The following PKHD1L1 variants were observed in gnomAD, a reference collection of about 807,000 sequenced individuals.
PKHD1L1 encodes fibrocystin-L.
Under a neutral mutation model 462.9 loss-of-function variants are expected in PKHD1L1, and 434 were observed. That is an observed-to-expected ratio of 0.94 (90% CI 0.87 to 1.02). The LOEUF (loss-of-function observed/expected upper bound fraction) is 1.02, where lower values mean the gene tolerates loss of function less well. Ranked by LOEUF, PKHD1L1 falls within the 50% of genes least tolerant of loss-of-function variation. PKHD1L1 has a pLI of 0.00. For synonymous variants in PKHD1L1, 1,781 were observed against 1,750.0 expected, an observed-to-expected ratio of 1.02 and a Z score of -0.44; for missense variants, 5,202 against 5,096.1, an observed-to-expected ratio of 1.02 and a Z score of -0.63.
In PKHD1L1 at chr8:109,518,415, G is replaced by A; in HGVS notation, c.11938G>A (p.Gly3980Arg). ...CAAAATCCGTATCAGCAAAATAAGA[G>A]GGAAGAGTCTGAGGAGGAAGAGATC... The part of the protein sequence containing the change: ...SDKIRISKIR[G>R]KSLRRKRSMG... Residue 3980 changes from glycine to arginine, a missense_variant, in exon 73 of 78, where the codon GGG becomes AGG. Transcript: ENST00000378402. 1.2e-6 allele frequency: 2 copies of A among 1,612,818 alleles called. No individual in the cohort carries two copies. Among genetic ancestry groups the A allele is most frequent in the Non-Finnish European group, 8.5e-7 (1 of 1,179,560 alleles).
Position 109,389,142 on chromosome 8 carries a change from A to G in PKHD1L1, c.687A>G (p.Gly229=). Residue 229 remains glycine (G), a synonymous_variant, in exon 8 of 78, where the codon GGA becomes GGG. Coordinates refer to ENST00000378402, the MANE Select transcript of PKHD1L1 (RefSeq NM_177531.6). ...GTTCTATGGTTTGTAAGACGACTGG[A>G]ACTTTTATTGGCAAGTGTTGGTCAT... The part of the protein sequence containing the change: ...DMGSMVCKTT[G]TFIGHHNVSF... 1.2e-6 allele frequency: 2 copies of G among 1,608,544 alleles called. No individual in the cohort carries two copies. Among genetic ancestry groups the G allele is most frequent in the Non-Finnish European group, 1.7e-6 (2 of 1,175,904 alleles).
At chr8:109,376,230 C>T (rs1401469769) in intron 2 of PKHD1L1, among the ~76,000 whole-genome samples, 1 of 152,222 alleles carries the variant, frequency 6.6e-6, no homozygotes, top group Non-Finnish European at 1.5e-5. Context: ...CTCGCTGCCG[C>T]CTTGCAGTTT....
rs576675485 is a variant in PKHD1L1, at chr8:109,411,161, ACT to A, written c.2086-1101_2086-1100del. On this transcript the variant is annotated intron_variant, in intron 19 of 77. Transcript: ENST00000378402. ...TTATATAATTGCTTCTCGACATAAC[ACT>A]CTGGTTAATTAGTACACGGCCCAGT... 2.1e-3 allele frequency among the ~76,000 whole-genome samples: 313 copies of A among 151,910 alleles called. 2 individuals carry two copies. The highest frequency in any genetic ancestry group is 5.2e-3 in the African/African-American group (216 of 41,432).
intron 27 of PKHD1L1, among the ~76,000 whole-genome samples, chr8:109,431,147 T>C (rs960673779): frequency 3.3e-5 from 5 of 152,218 alleles, no homozygotes; most frequent in African/African-American, 1.2e-4. Flanking sequence ...TTTGTATTTT[T>C]AGTAGAGACA....
intron 53 of PKHD1L1, among the ~76,000 whole-genome samples, chr8:109,478,384 C>T (rs967136957): frequency 6.6e-6 from 1 of 151,826 alleles, no homozygotes; most frequent in South Asian, 2.1e-4. Flanking sequence ...AACAAGCAAA[C>T]AAACAAAAAA....
intron 67 of PKHD1L1, among the ~76,000 whole-genome samples, chr8:109,500,093 T>G (rs1465451607): frequency 6.6e-6 from 1 of 152,220 alleles, no homozygotes; most frequent in Non-Finnish European, 1.5e-5. Context: ...TGTACCAGCC[T>G]GTATCCACTT....
chr8:109,507,666 G>A lies in PKHD1L1; in HGVS notation c.10998G>A (p.Lys3666=). 1 of 1,611,822 alleles carries A rather than the reference G, an allele frequency of 6.2e-7. No homozygotes were observed. The highest frequency in any genetic ancestry group is 8.5e-7 in the Non-Finnish European group (1 of 1,178,246). The change falls in exon 69 of 78, where the codon AAG becomes AAA. Residue 3666 remains lysine, a synonymous_variant. Coordinates refer to ENST00000378402, the MANE Select transcript of PKHD1L1 (RefSeq NM_177531.6). ...KIFIHRPDIS[K]VNPSDCVDMV... ...ATAATTCAACTTTTCTCCACAGTAA[G>A]GTCAATCCATCTGATTGTGTAGACA... is the stretch of plus-strand genomic sequence containing the variant.
chr8:109,464,354 A>G lies in PKHD1L1; in HGVS notation c.7522A>G (p.Thr2508Ala), dbSNP rs780717141. ...TAACAGAGCTGTTACTATTCATAAC[A>G]CACACCATCTTCTGGTTGAGAGGAA... ...AYNRAVTIHNTHHLLVERNII... is the reference protein window; with the variant it reads ...AYNRAVTIHNAHHLLVERNII... Residue 2508 changes from threonine (T) to alanine (A), a missense_variant, in exon 49 of 78, where the codon ACA (threonine) becomes GCA (alanine). By Grantham distance (58) the Thr-to-Ala change is moderately conservative. This residue lies in a region of PKHD1L1 where 4,497 missense variants were observed against 4,336.8 expected (regional missense o/e 1.04). Coordinates refer to ENST00000378402, the MANE Select transcript of PKHD1L1 (RefSeq NM_177531.6). 1.9e-6 allele frequency: 3 copies of G among 1,613,416 alleles called. No homozygotes were observed. The East Asian group carries it at 6.7e-5, about 36-fold the overall frequency.
Position 109,412,366 on chromosome 8 carries a change from A to G in PKHD1L1, c.2187A>G (p.Lys729=). The G allele has an allele frequency of 6.2e-7, 1 of 1,613,644 alleles. No homozygotes were observed. The highest frequency in any genetic ancestry group is 8.5e-7 in the Non-Finnish European group (1 of 1,179,652). The change falls in exon 20 of 78, where the codon AAA becomes AAG. Residue 729 remains lysine, a synonymous_variant. Transcript: ENST00000378402. The part of the protein sequence containing the change: ...PAVLFDSADV[K]PNRRPYGDIL... Reference sequence around the variant, plus strand: ...TTCTTTTTGACTCAGCAGATGTTAAACCAAACAGACGACCATATGGAGATA... The same window carrying G: ...TTCTTTTTGACTCAGCAGATGTTAAGCCAAACAGACGACCATATGGAGATA...
chr8:109,405,207 A>G, intron 16 of PKHD1L1, 77 bp downstream of exon 16: 1 of 889,380 alleles, frequency 1.1e-6, no homozygotes, highest in South Asian at 3.1e-5. Context: ...CTGTAGTCAA[A>G]TTACACTGTC....
intron 67 of PKHD1L1, among the ~76,000 whole-genome samples, chr8:109,500,366 C>G (rs757154149): frequency 7.3e-5 from 11 of 151,346 alleles, no homozygotes; most frequent in Non-Finnish European, 1.3e-4. Context: ...TAGAATGGCT[C>G]AGACCCTCAT....
intron 5 of PKHD1L1, 116 bp downstream of exon 5, chr8:109,384,243 TA>T (rs1022005785): frequency 9.2e-6 from 8 of 866,844 alleles, no homozygotes; most frequent in Middle Eastern, 2.5e-4. Flanking sequence ...TTTTTCATTA[TA>T]AAAATAACTA....
chr8:109,430,116 CTA>C, intron 27 of PKHD1L1, 79 bp downstream of exon 27: 1 of 904,548 alleles, frequency 1.1e-6, no homozygotes, highest in Non-Finnish European at 1.7e-6. Flanking sequence ...ACTTTTAAAA[CTA>C]TGTTTCTACT....
At chr8:109,370,555 C>T (rs12676284) in intron 2 of PKHD1L1, among the ~76,000 whole-genome samples, 45,080 of 151,286 alleles carry the variant, frequency 0.3, 7,281 homozygotes, top group Admixed American at 0.43. Flanking sequence ...ATGTGCACAA[C>T]GTGCAGGTTT....
intron 77 of PKHD1L1, 21 bp downstream of exon 77, chr8:109,527,041 C>A (rs745986143): frequency 6.4e-7 from 1 of 1,554,952 alleles, no homozygotes; most frequent in East Asian, 2.3e-5. Context: ...TCCATTAATA[C>A]ATTATTTCTC....
intron 2 of PKHD1L1, among the ~76,000 whole-genome samples, chr8:109,371,581 T>C (rs1811512285): frequency 1.4e-5 from 2 of 146,890 alleles, no homozygotes. Flanking sequence ...TCCTTGCCCA[T>C]GCCTATGTCC....
intron 30 of PKHD1L1, among the ~76,000 whole-genome samples, chr8:109,437,927 T>C (rs537918054): frequency 2.0e-4 from 30 of 152,300 alleles, no homozygotes; most frequent in South Asian, 6.2e-4. Context: ...TCAAAAGATA[T>C]AATGATGTGA....
Position 109,443,904 on chromosome 8 carries a change from TAA to T in PKHD1L1, c.4791+3_4791+4del. 6.3e-7 allele frequency: 1 copy of T among 1,590,838 alleles called. No individual in the cohort carries two copies. Among genetic ancestry groups the T allele is most frequent in the Non-Finnish European group, 8.6e-7 (1 of 1,160,662 alleles). ...AGTAATCTCCCATGGGCTAATAAGG[TAA>T]GAATATAAATACCTCCTTTGTACTT... is the stretch of plus-strand genomic sequence containing the variant. On this transcript the variant is annotated splice_donor_region_variant and intron_variant, in intron 37 of 77. Transcript: ENST00000378402.
intron 67 of PKHD1L1, 76 bp downstream of exon 67, chr8:109,498,847 C>A: frequency 8.0e-7 from 1 of 1,250,912 alleles, no homozygotes; most frequent in Admixed American, 2.6e-5. Flanking sequence ...AATAATGTTT[C>A]ATTGTTAGTA....
Sources: gnomAD v4.1 joint callset for allele counts (sites outside exome capture counted in the v4.1 genomes callset) on GRCh38, gnomAD v4.1.1 for gene constraint, gnomAD v4.1.1 regional missense constraint, MANE v1.5 for transcripts, NCBI Gene and HGNC (gene_info 2026-07-23, HGNC 2026-07-21) for gene names.